PABPC4L: variants seen among roughly 807,000 people sequenced by gnomAD.
PABPC4L encodes polyadenylate-binding protein 4-like.
For missense variants in PABPC4L, 452 were observed against 451.4 expected, an observed-to-expected ratio of 1.00 and a Z score of -0.01; for synonymous variants, 169 against 164.1, an observed-to-expected ratio of 1.03 and a Z score of -0.23.
At chr4:134,080,188 G>A in the PABPC4L span, among the ~76,000 whole-genome samples, 3 of 151,972 alleles carry the variant, frequency 2.0e-5, no homozygotes, top group African/African-American at 4.8e-5. Flanking sequence ...ATTTTGAAAT[G>A]TCACATGAGT....
At chr4:134,191,273 A>G in the PABPC4L span, among the ~76,000 whole-genome samples, 3 of 152,086 alleles carry the variant, frequency 2.0e-5, no homozygotes, top group Admixed American at 6.6e-5. Context: ...TGCTTATTCT[A>G]TGTGTTTCAA....
the PABPC4L span, among the ~76,000 whole-genome samples, chr4:134,166,272 C>G: frequency 6.6e-6 from 1 of 152,046 alleles, no homozygotes; most frequent in Non-Finnish European, 1.5e-5. Flanking sequence ...ACCCCCAAAG[C>G]TGTTGACATA....
the PABPC4L span, among the ~76,000 whole-genome samples, chr4:133,982,688 A>G: frequency 2.6e-5 from 4 of 151,956 alleles, no homozygotes; most frequent in Non-Finnish European, 5.9e-5. Context: ...ATTTCCCCTC[A>G]TCAATCCACA....
At chr4:133,979,670 T>C in the PABPC4L span, among the ~76,000 whole-genome samples, 3 of 152,318 alleles carry the variant, frequency 2.0e-5, no homozygotes, top group Non-Finnish European at 4.4e-5. Flanking sequence ...AAAAGAATAC[T>C]ACTGAGAATA....
the PABPC4L span, among the ~76,000 whole-genome samples, chr4:134,097,967 T>C: frequency 6.6e-6 from 1 of 151,808 alleles, no homozygotes; most frequent in South Asian, 2.1e-4. Flanking sequence ...TTGTTTATCC[T>C]GATAGGGAAA....
the PABPC4L span, among the ~76,000 whole-genome samples, chr4:134,071,950 AG>A: frequency 6.6e-6 from 1 of 152,150 alleles, no homozygotes; most frequent in Non-Finnish European, 1.5e-5. Context: ...TTAGTTGTAT[AG>A]ATAAGAATGT....
chr4:133,983,908 T>G, the PABPC4L span, among the ~76,000 whole-genome samples: 4 of 151,848 alleles, frequency 2.6e-5, no homozygotes, highest in Non-Finnish European at 5.9e-5. Flanking sequence ...ATACAAATAT[T>G]CTTGAAATAT....
the PABPC4L span, among the ~76,000 whole-genome samples, chr4:133,988,271 G>A: frequency 1.3e-5 from 2 of 152,084 alleles, no homozygotes; most frequent in Non-Finnish European, 2.9e-5. Flanking sequence ...ACTCATTTCA[G>A]CATTAATTGA....
the PABPC4L span, among the ~76,000 whole-genome samples, chr4:134,136,925 T>A: frequency 6.6e-6 from 1 of 152,042 alleles, no homozygotes; most frequent in African/African-American, 2.4e-5. Context: ...AGGCTAAGTA[T>A]CCCTTAGAAC....
At chr4:134,090,720 A>G in the PABPC4L span, among the ~76,000 whole-genome samples, 1 of 151,826 alleles carries the variant, frequency 6.6e-6, no homozygotes, top group African/African-American at 2.4e-5. Context: ...CTATGATTAT[A>G]CCATTGCACT....
the PABPC4L span, among the ~76,000 whole-genome samples, chr4:133,962,682 G>A: frequency 4.6e-5 from 7 of 152,158 alleles, no homozygotes; most frequent in Admixed American, 1.3e-4. Flanking sequence ...GGCTAGAAGG[G>A]ATTGGGGTCC....
the PABPC4L span, among the ~76,000 whole-genome samples, chr4:133,994,530 C>A: frequency 1.3e-5 from 2 of 152,002 alleles, no homozygotes; most frequent in Non-Finnish European, 2.9e-5. Context: ...TCCCTCATGC[C>A]GATAATTTTT....
At chr4:133,965,089 C>T in the PABPC4L span, among the ~76,000 whole-genome samples, 3 of 152,160 alleles carry the variant, frequency 2.0e-5, no homozygotes, top group African/African-American at 7.2e-5. Context: ...CTCCAGAAAG[C>T]TCCTAGAACT....
At position 134,199,954 on chromosome 4, in the gene PABPC4L, T is replaced by G; in HGVS notation, c.1066A>C (p.Ile356Leu). Residue 356 changes from isoleucine (I) to leucine (L), a missense_variant, in exon 2 of 2, where the codon ATC (isoleucine) becomes CTC (leucine). Physicochemically the swap from Ile to Leu is conservative, Grantham distance 5. Transcript: ENST00000421491. ...TKAMTEMNGRILGSKPLSIAL... is the reference protein window; with the variant it reads ...TKAMTEMNGRLLGSKPLSIAL... ...ATGCTAAGAGGTTTGGAGCCCAAGA[T>G]GCGGCCATTCATCTCAGTCATTGCT... The G allele has an allele frequency of 6.4e-7, 1 of 1,551,664 alleles. No individual in the cohort carries two copies. Among genetic ancestry groups the G allele is most frequent in the Non-Finnish European group, 8.7e-7 (1 of 1,146,968 alleles).
the PABPC4L span, among the ~76,000 whole-genome samples, chr4:134,161,454 A>T: frequency 1.3e-5 from 2 of 152,138 alleles, no homozygotes; most frequent in Non-Finnish European, 2.9e-5. Flanking sequence ...TAGAATATAA[A>T]GGAGTTAAAA....
the PABPC4L span, among the ~76,000 whole-genome samples, chr4:134,095,022 C>T: frequency 1.3e-5 from 2 of 151,792 alleles, 1 homozygote; most frequent in South Asian, 4.2e-4. Flanking sequence ...TAAGAAAAGT[C>T]CATTAAAATT....
the PABPC4L span, among the ~76,000 whole-genome samples, chr4:133,984,112 G>A: frequency 6.6e-6 from 1 of 151,748 alleles, no homozygotes; most frequent in Non-Finnish European, 1.5e-5. Context: ...ATTTTCAATT[G>A]CACCAACAAA....
chr4:133,979,879 G>A, the PABPC4L span, among the ~76,000 whole-genome samples: 1 of 152,076 alleles, frequency 6.6e-6, no homozygotes, highest in Non-Finnish European at 1.5e-5. Flanking sequence ...AAAATCAGAT[G>A]TTTCAAATAA....
the PABPC4L span, among the ~76,000 whole-genome samples, chr4:133,979,330 C>T: frequency 6.6e-6 from 1 of 152,000 alleles, no homozygotes; most frequent in Non-Finnish European, 1.5e-5. Context: ...TCCTAAAGTT[C>T]AAATGGAAGA....
Sources: gnomAD v4.1 joint callset for allele counts (sites outside exome capture counted in the v4.1 genomes callset) on GRCh38, gnomAD v4.1.1 for gene constraint, MANE v1.5 for transcripts, NCBI Gene and HGNC (gene_info 2026-07-23, HGNC 2026-07-21) for gene names.